CACNA1D: variants seen among roughly 807,000 people sequenced by gnomAD.
The protein encoded by CACNA1D is voltage-dependent L-type calcium channel subunit alpha-1D.
Under a neutral mutation model 257.1 loss-of-function variants are expected in CACNA1D, and 55 were observed. The ratio of observed to expected loss-of-function variants is 0.21; its 90% CI spans 0.17 to 0.27. The LOEUF (loss-of-function observed/expected upper bound fraction) is 0.27. CACNA1D is among the 10% of genes least tolerant of loss of function. The probability of loss-of-function intolerance (pLI) is 1.00; values close to 1 mark genes in which losing one functional copy is unlikely to be tolerated. For synonymous variants in CACNA1D, 980 were observed against 1,014.9 expected, an observed-to-expected ratio of 0.97 and a Z score of 0.65; for missense variants, 1,876 against 2,784.0, an observed-to-expected ratio of 0.67 and a Z score of 7.34.
At chr3:53,634,748 A>G (rs2093861994) in intron 3 of CACNA1D, among the ~76,000 whole-genome samples, 1 of 152,194 alleles carries the variant, frequency 6.6e-6, no homozygotes, top group South Asian at 2.1e-4. Flanking sequence ...ATCAGTATCA[A>G]TCCTCAATTC....
intron 3 of CACNA1D, among the ~76,000 whole-genome samples, chr3:53,626,568 A>ATT (rs35238366): frequency 2.0e-5 from 3 of 150,274 alleles, no homozygotes; most frequent in Non-Finnish European, 4.4e-5. Flanking sequence ...AGTTCCTCTG[A>ATT]TTTTTTTTTT....
At chr3:53,761,386 C>T (rs576900117) in intron 29 of CACNA1D, among the ~76,000 whole-genome samples, 2 of 152,336 alleles carry the variant, frequency 1.3e-5, no homozygotes, top group South Asian at 2.1e-4. Flanking sequence ...CGCTGTGCCT[C>T]ACGGTGCCTG....
chr3:53,731,453 G>A (rs919565407), intron 17 of CACNA1D, among the ~76,000 whole-genome samples: 1 of 152,218 alleles, frequency 6.6e-6, no homozygotes, highest in African/African-American at 2.4e-5. Context: ...GATCACGTTA[G>A]CATCTTCTGA....
chr3:53,692,629 C>T (rs554227045), intron 8 of CACNA1D, among the ~76,000 whole-genome samples: 2 of 152,314 alleles, frequency 1.3e-5, no homozygotes, highest in South Asian at 4.1e-4. Context: ...GCTGCTAATT[C>T]CTGTGTTCTG....
chr3:53,515,187 G>A (rs2091283595), intron 3 of CACNA1D, among the ~76,000 whole-genome samples: 1 of 152,162 alleles, frequency 6.6e-6, no homozygotes, highest in South Asian at 2.1e-4. Context: ...CACAAGGCTT[G>A]GTGGTTTCTT....
chr3:53,770,166 T>C (rs2095358410), intron 31 of CACNA1D, 149 bp downstream of exon 31: 2 of 788,478 alleles, frequency 2.5e-6, no homozygotes, highest in African/African-American at 3.4e-5. Context: ...CAGTGTCCAG[T>C]ACTCTTGACC....
intron 8 of CACNA1D, among the ~76,000 whole-genome samples, chr3:53,691,749 A>T (rs9683296): frequency 6.0e-5 from 3 of 50,026 alleles, no homozygotes; most frequent in African/African-American, 1.9e-4. Context: ...TTACATATAT[A>T]ATATATATTA....
intron 30 of CACNA1D, among the ~76,000 whole-genome samples, chr3:53,769,694 T>C (rs780322269): frequency 1.3e-5 from 2 of 152,216 alleles, no homozygotes; most frequent in Non-Finnish European, 2.9e-5. Flanking sequence ...CTGCATCTGT[T>C]GAGGTCTTGC....
At chr3:53,564,061 T>C (rs565335327) in intron 3 of CACNA1D, among the ~76,000 whole-genome samples, 1 of 152,354 alleles carries the variant, frequency 6.6e-6, no homozygotes, top group Non-Finnish European at 1.5e-5. Context: ...GACTTGAATA[T>C]GTATTTCTGT....
chr3:53,520,755 G>T (rs1172228346), intron 3 of CACNA1D, among the ~76,000 whole-genome samples: 1 of 132,804 alleles, frequency 7.5e-6, no homozygotes, highest in Non-Finnish European at 1.6e-5. Context: ...AACAGAGTGA[G>T]ACTCAATCTC....
At chr3:53,627,385 C>T (rs376157017) in intron 3 of CACNA1D, among the ~76,000 whole-genome samples, 3 of 152,198 alleles carry the variant, frequency 2.0e-5, no homozygotes, top group East Asian at 1.9e-4. Flanking sequence ...CTAGCACAGG[C>T]GAGCGGAGCA....
intron 32 of CACNA1D, among the ~76,000 whole-genome samples, chr3:53,771,833 C>T (rs140791888): frequency 5.6e-4 from 86 of 152,280 alleles, no homozygotes; most frequent in African/African-American, 2.0e-3. Flanking sequence ...AGAAAATGCA[C>T]GTAGGTATGT....
At chr3:53,544,901 G>T (rs1415062480) in intron 3 of CACNA1D, among the ~76,000 whole-genome samples, 1 of 152,182 alleles carries the variant, frequency 6.6e-6, no homozygotes, top group Non-Finnish European at 1.5e-5. Flanking sequence ...CTACCTCATA[G>T]GCTTACAGGT....
rs377563698 is a variant in CACNA1D, at chr3:53,730,428, A to G, written c.2222-14A>G. 7.2e-5 allele frequency: 113 copies of G among 1,572,900 alleles called. No homozygotes were observed. The highest frequency in any genetic ancestry group is 9.6e-5 in the Non-Finnish European group (110 of 1,142,398). On this transcript the variant is annotated splice_polypyrimidine_tract_variant and intron_variant, in intron 15 of 47. Coordinates refer to ENST00000350061, the MANE Select transcript of CACNA1D (RefSeq NM_001128840.3). ...ATTTAGTAGTGTGTTGTGCCCTTAA[A>G]AAGTTGAAATTAGATATTCTACTGA...
chr3:53,554,574 C>T (rs2092603578), intron 3 of CACNA1D, among the ~76,000 whole-genome samples: 1 of 152,174 alleles, frequency 6.6e-6, no homozygotes, highest in Non-Finnish European at 1.5e-5. Flanking sequence ...ATTTCGTTAC[C>T]GTTTCCTAGG....
intron 3 of CACNA1D, among the ~76,000 whole-genome samples, chr3:53,599,631 G>A (rs753474828): frequency 1.3e-4 from 20 of 152,128 alleles, no homozygotes; most frequent in Non-Finnish European, 2.6e-4. Context: ...TATAAAATGG[G>A]CATAATATCC....
intron 4 of CACNA1D, among the ~76,000 whole-genome samples, chr3:53,659,176 A>G (rs887459853): frequency 9.9e-5 from 15 of 152,264 alleles, no homozygotes; most frequent in African/African-American, 3.6e-4. Flanking sequence ...TTTGTTTAAA[A>G]GAGCAAAAGT....
At chr3:53,672,187 C>T (rs985391199) in intron 7 of CACNA1D, among the ~76,000 whole-genome samples, 1 of 152,098 alleles carries the variant, frequency 6.6e-6, no homozygotes, top group Non-Finnish European at 1.5e-5. Context: ...CAGGCCACAC[C>T]CTTTCACCTC....
chr3:53,618,464 C>T (rs1576111535), intron 3 of CACNA1D, among the ~76,000 whole-genome samples: 1 of 152,304 alleles, frequency 6.6e-6, no homozygotes, highest in South Asian at 2.1e-4. Context: ...CACCACAGCT[C>T]GCGGTCTGTC....
Sources: gnomAD v4.1 joint callset for allele counts (sites outside exome capture counted in the v4.1 genomes callset) on GRCh38, gnomAD v4.1.1 for gene constraint, MANE v1.5 for transcripts, NCBI Gene and HGNC (gene_info 2026-07-23, HGNC 2026-07-21) for gene names.